Variants in PSMD4 observed in about 807,000 individuals in gnomAD.
PSMD4 encodes 26S proteasome non-ATPase regulatory subunit 4.
A neutral mutation model predicts 39.7 loss-of-function variants in PSMD4; 5 were observed. That is an observed-to-expected ratio of 0.13 (90% confidence interval 0.07 to 0.26). The LOEUF is 0.26. Ranked by LOEUF, PSMD4 falls within the 10% of genes least tolerant of loss-of-function variation. PSMD4 has a pLI of 1.00. For synonymous variants in PSMD4, 143 were observed against 174.6 expected, an observed-to-expected ratio of 0.82 and a Z score of 1.43; for missense variants, 272 against 486.1, an observed-to-expected ratio of 0.56 and a Z score of 4.14.
intron 9 of PSMD4, chr1:151,266,847 G>C: frequency 1.4e-6 from 1 of 722,886 alleles, no homozygotes; most frequent in Non-Finnish European, 2.5e-6. Context: ...CTTCCCAGGA[G>C]GGAAAAAAGC....
intron 2 of PSMD4, among the ~76,000 whole-genome samples, chr1:151,263,387 C>A (rs1693353937): frequency 6.6e-6 from 1 of 151,910 alleles, no homozygotes; most frequent in Non-Finnish European, 1.5e-5. Context: ...TTACTTGAAC[C>A]CGGGAGGCGG....
chr1:151,262,314 G>C lies in PSMD4; in HGVS notation c.167+13G>C. 6.2e-7 allele frequency: 1 copy of C among 1,614,176 alleles called. No homozygotes were observed. Among genetic ancestry groups the C allele is most frequent in the East Asian group, 2.2e-5 (1 of 44,880 alleles). On this transcript the variant is annotated intron_variant, in intron 2 of 9. Transcript: ENST00000368884. ...TCACACTGGCTAAGTATGGGGGACAGAGGAGGAGGGGACTCAGTAGGTGGG... is the reference window on the plus strand; with the variant it reads ...TCACACTGGCTAAGTATGGGGGACACAGGAGGAGGGGACTCAGTAGGTGGG...
At chr1:151,262,323 G>A in intron 2 of PSMD4, 22 bp downstream of exon 2, 1 of 1,614,084 alleles carries the variant, frequency 6.2e-7, no homozygotes, top group Middle Eastern at 1.6e-4. Context: ...AGAGGAGGAG[G>A]GGACTCAGTA....
At position 151,259,752 on chromosome 1, in the gene PSMD4, G is replaced by T. The variant is rs182735847; in HGVS notation, c.27-2409G>T. Among the ~76,000 whole-genome samples the T allele has an allele frequency of 3.1e-4, 47 of 151,756 alleles. No homozygotes were observed. In the East Asian group the frequency reaches 6.8e-3, roughly 22 times the overall value. On this transcript the variant is annotated intron_variant, in intron 1 of 9. Transcript: ENST00000368884. ...AAATAAAAAATAAATAAAAAATGTG[G>T]TTTTTTTTGGTAGAGACTGGGTCTT...
intron 1 of PSMD4, among the ~76,000 whole-genome samples, chr1:151,256,592 C>T (rs1410694431): frequency 6.6e-6 from 1 of 150,696 alleles, no homozygotes; most frequent in African/African-American, 2.4e-5. Flanking sequence ...GTGCCCGCCA[C>T]CACGCCCAGC....
chr1:151,267,165 G>A lies in PSMD4; in HGVS notation c.964-8G>A. 1 of 1,613,874 alleles carries A rather than the reference G, an allele frequency of 6.2e-7. No individual in the cohort carries two copies. Among genetic ancestry groups the A allele is most frequent in the Non-Finnish European group, 8.5e-7 (1 of 1,179,816 alleles). On this transcript the variant is annotated splice_region_variant and splice_polypyrimidine_tract_variant and intron_variant, in intron 9 of 9. Transcript: ENST00000368884. ...ACCCTCCCTTGAGCTCACACTGCCT[G>A]TTTGCAGGAGGAGGATGATTACGAC...
rs772806669 is a variant in PSMD4, at chr1:151,264,816, C to T, written c.283-16C>T. ...TTCCTCTGGTTAACTCTGAGAACTTCCTCTCCCTTTACAAGCTGGCTCTGA... is the reference window on the plus strand; with the variant it reads ...TTCCTCTGGTTAACTCTGAGAACTTTCTCTCCCTTTACAAGCTGGCTCTGA... On this transcript the variant is annotated splice_polypyrimidine_tract_variant and intron_variant, in intron 3 of 9. Coordinates refer to ENST00000368884, the MANE Select transcript of PSMD4 (RefSeq NM_002810.4). The T allele has an allele frequency of 4.4e-6, 7 of 1,591,280 alleles. No homozygotes were observed. The highest frequency in any genetic ancestry group is 1.3e-5 in the African/African-American group (1 of 74,366).
At chr1:151,260,926 A>C (rs1209850551) in intron 1 of PSMD4, among the ~76,000 whole-genome samples, 1 of 150,392 alleles carries the variant, frequency 6.6e-6, no homozygotes, top group Non-Finnish European at 1.5e-5. Flanking sequence ...ACTCACTGCA[A>C]CCTCGGCCTC....
intron 3 of PSMD4, among the ~76,000 whole-genome samples, chr1:151,264,610 CAAA>C (rs374275752): frequency 2.4e-5 from 3 of 126,642 alleles, no homozygotes; most frequent in Non-Finnish European, 3.4e-5. Flanking sequence ...GACTCCATCT[CAAA>C]AAAAAAAAAA....
chr1:151,264,262 T>C (rs1693378428), intron 3 of PSMD4, among the ~76,000 whole-genome samples: 1 of 151,644 alleles, frequency 6.6e-6, no homozygotes. Flanking sequence ...CCCATCACTT[T>C]GGGAGGCCAG....
Position 151,264,004 on chromosome 1 carries a change from C to T in PSMD4, c.258C>T (p.Phe86=). The change falls in exon 3 of 10, where the codon TTC becomes TTT. Residue 86 remains phenylalanine (F), a synonymous_variant. Coordinates refer to ENST00000368884, the MANE Select transcript of PSMD4 (RefSeq NM_002810.4). ...HTVQPKGKIT[F]CTGIRVAHLA... ...TCCAACCCAAGGGCAAGATCACCTT[C>T]TGCACGGGCATCCGCGTGGCCCATG... The T allele has an allele frequency of 6.2e-7, 1 of 1,602,890 alleles. No individual in the cohort carries two copies. The highest frequency in any genetic ancestry group is 1.1e-5 in the South Asian group (1 of 88,954).
chr1:151,267,373 T>C lies in PSMD4; in HGVS notation c.*30T>C. On this transcript the variant is annotated 3_prime_UTR_variant, in exon 10 of 10. Transcript: ENST00000368884. ...GGAGGGAAAGGGTAGCTGAGTCTGC[T>C]TAGGGGACTGCATGGGAAGCACGGA... The C allele has an allele frequency of 6.2e-7, 1 of 1,607,672 alleles. No homozygotes were observed. The highest frequency in any genetic ancestry group is 1.1e-5 in the South Asian group (1 of 90,812).
intron 1 of PSMD4, among the ~76,000 whole-genome samples, chr1:151,255,975 T>C (rs1693155330): frequency 6.6e-6 from 1 of 152,118 alleles, no homozygotes; most frequent in Non-Finnish European, 1.5e-5. Context: ...GTGGTTTTGA[T>C]TTATTTGCAT....
intron 1 of PSMD4, among the ~76,000 whole-genome samples, chr1:151,256,365 A>T (rs1188137968): frequency 1.9e-5 from 1 of 52,588 alleles, no homozygotes; most frequent in Non-Finnish European, 4.1e-5. Flanking sequence ...AATAATAATA[A>T]AATAAATAAA....
rs1286528522 is a variant in PSMD4, at chr1:151,264,075, C to T, written c.282+47C>T. The T allele has an allele frequency of 3.3e-5, 45 of 1,376,952 alleles. No homozygotes were observed. The East Asian group carries it at 1.1e-3, about 34-fold the overall frequency. 85.3% of individuals were successfully genotyped at this position (1,376,952 alleles called of 1,614,324 possible). ...GGACCTTTCCTCCCTGCTCTGAGGT[C>T]CTGCCTCCATCATACTCATTTCTCC... On this transcript the variant is annotated intron_variant, in intron 3 of 9. Coordinates refer to ENST00000368884, the MANE Select transcript of PSMD4 (RefSeq NM_002810.4).
intron 6 of PSMD4, 134 bp downstream of exon 6, chr1:151,265,743 GC>G: frequency 9.6e-7 from 1 of 1,039,404 alleles, no homozygotes; most frequent in Non-Finnish European, 1.4e-6. Context: ...ACCTCCTTTT[GC>G]CGCCTCTTCC....
chr1:151,266,426 C>T lies in PSMD4; in HGVS notation c.882C>T (p.Ser294=). Residue 294 remains serine (S), a synonymous_variant, in exon 8 of 10, where the codon TCC becomes TCT. Coordinates refer to ENST00000368884, the MANE Select transcript of PSMD4 (RefSeq NM_002810.4). ...AGATTGCTTATGCCATGCAGATGTC[C>T]CTGCAGGGAGCAGGTGAGCCAGAGC... ...EEQIAYAMQM[S]LQGAEFGQAE... The T allele has an allele frequency of 6.2e-7, 1 of 1,614,160 alleles. No individual in the cohort carries two copies. Among genetic ancestry groups the T allele is most frequent in the Non-Finnish European group, 8.5e-7 (1 of 1,180,046 alleles).
At position 151,266,559 on chromosome 1, in the gene PSMD4, C is replaced by T; in HGVS notation, c.935C>T (p.Ser312Leu). The T allele has an allele frequency of 6.2e-7, 1 of 1,614,208 alleles. No individual in the cohort carries two copies. The highest frequency in any genetic ancestry group is 8.5e-7 in the Non-Finnish European group (1 of 1,180,038). Residue 312 changes from serine (S) to leucine (L), a missense_variant, in exon 9 of 10, where the codon TCA (serine) becomes TTA (leucine). Ser to Leu is a moderately radical substitution (Grantham distance 145). This residue lies in a region of PSMD4 where 113 missense variants were observed against 184.6 expected (regional missense o/e 0.61). Transcript: ENST00000368884. ...QAESADIDAS[S>L]AMDTSEPAKE... ...GAATCAGCAGACATTGATGCCAGCT[C>T]AGCTATGGACACATCTGAGCCAGCC...
At chr1:151,264,982 C>T (rs1693396827) in intron 4 of PSMD4, 64 bp downstream of exon 4, 1 of 1,466,444 alleles carries the variant, frequency 6.8e-7, no homozygotes, top group Admixed American at 1.9e-5. Flanking sequence ...TCTTCCAGCC[C>T]TCAGGAGAAC....
Sources: gnomAD v4.1 joint callset for allele counts (sites outside exome capture counted in the v4.1 genomes callset) on GRCh38, gnomAD v4.1.1 for gene constraint, gnomAD v4.1.1 regional missense constraint, MANE v1.5 for transcripts, NCBI Gene and HGNC (gene_info 2026-07-23, HGNC 2026-07-21) for gene names.